AKAP19: variants seen among roughly 807,000 people sequenced by gnomAD.
AKAP19 encodes the protein small A-kinase anchoring protein.
chr2:190,136,729 T>C, the AKAP19 span, among the ~76,000 whole-genome samples: 1 of 83,246 alleles, frequency 1.2e-5, no homozygotes, highest in South Asian at 3.0e-4. Context: ...CACATTTAAC[T>C]GTGAGAAATA....
At chr2:190,140,703 T>C in the AKAP19 span, among the ~76,000 whole-genome samples, 135 of 152,266 alleles carry the variant, frequency 8.9e-4, no homozygotes, top group African/African-American at 3.1e-3. Flanking sequence ...CTCCTAGGCC[T>C]CCAGGCCTGT....
the AKAP19 span, among the ~76,000 whole-genome samples, chr2:190,180,308 C>G: frequency 6.6e-6 from 1 of 152,192 alleles, no homozygotes; most frequent in Non-Finnish European, 1.5e-5. This position sits in a 1 kb window ranked among gnomAD's most constrained non-coding sequence, Gnocchi z 6.8. Context: ...TGCGGGGCCC[C>G]CTGCAGGCGG....
the AKAP19 span, among the ~76,000 whole-genome samples, chr2:189,898,879 G>A: frequency 6.6e-6 from 1 of 152,106 alleles, no homozygotes; most frequent in African/African-American, 2.4e-5. Context: ...TCACTCTCTT[G>A]TGTTCCTTGT....
chr2:190,164,417 G>A, the AKAP19 span, among the ~76,000 whole-genome samples: 1 of 152,150 alleles, frequency 6.6e-6, no homozygotes, highest in Non-Finnish European at 1.5e-5. Flanking sequence ...TGTGGTCCCA[G>A]CTACTGGGGC....
chr2:189,962,044 A>T, the AKAP19 span, among the ~76,000 whole-genome samples: 1 of 152,250 alleles, frequency 6.6e-6, no homozygotes, highest in African/African-American at 2.4e-5. Flanking sequence ...AAACTGTGAA[A>T]ACCATATTAA....
At chr2:190,143,394 C>A in the AKAP19 span, among the ~76,000 whole-genome samples, 1 of 152,048 alleles carries the variant, frequency 6.6e-6, no homozygotes, top group African/African-American at 2.4e-5. Flanking sequence ...CCTTCAAGCT[C>A]CTAGTCATCC....
At chr2:189,898,808 G>A in the AKAP19 span, among the ~76,000 whole-genome samples, 1 of 152,058 alleles carries the variant, frequency 6.6e-6, no homozygotes, top group African/African-American at 2.4e-5. Context: ...GTACTACCCA[G>A]GTCTTGTCTA....
the AKAP19 span, among the ~76,000 whole-genome samples, chr2:190,198,744 C>G: frequency 6.6e-6 from 1 of 151,222 alleles, no homozygotes; most frequent in Non-Finnish European, 1.5e-5. Context: ...TAATCTCATT[C>G]ATAGAGATTA....
the AKAP19 span, among the ~76,000 whole-genome samples, chr2:189,947,164 C>T: frequency 4.0e-4 from 61 of 152,316 alleles, no homozygotes; most frequent in African/African-American, 1.1e-3. Flanking sequence ...GCAAATTTAA[C>T]AGTGCACTAT....
At chr2:189,931,550 G>A in the AKAP19 span, among the ~76,000 whole-genome samples, 1 of 152,090 alleles carries the variant, frequency 6.6e-6, no homozygotes, top group Admixed American at 6.5e-5. Flanking sequence ...TTTGTGTGTG[G>A]TGACAGGGTC....
chr2:189,904,297 G>A, the AKAP19 span, among the ~76,000 whole-genome samples: 1 of 151,956 alleles, frequency 6.6e-6, no homozygotes, highest in African/African-American at 2.4e-5. Flanking sequence ...CTGTTTTGCA[G>A]ATGAAACACA....
the AKAP19 span, among the ~76,000 whole-genome samples, chr2:190,187,204 T>A: frequency 0.13 from 19,932 of 152,134 alleles, 2,106 homozygotes; most frequent in African/African-American, 0.29. Flanking sequence ...CATGGTTTTT[T>A]TATATATTTA....
the AKAP19 span, chr2:190,060,077 T>A: frequency 6.2e-7 from 1 of 1,612,432 alleles, no homozygotes; most frequent in Non-Finnish European, 8.5e-7. Context: ...CATCTTCTCC[T>A]GGTCCTGGGA....
the AKAP19 span, among the ~76,000 whole-genome samples, chr2:189,927,152 C>G: frequency 1.3e-5 from 2 of 152,068 alleles, no homozygotes; most frequent in African/African-American, 4.8e-5. Flanking sequence ...CCTCAGCCTC[C>G]CAAAGTACTG....
the AKAP19 span, among the ~76,000 whole-genome samples, chr2:190,025,042 A>G: frequency 3.3e-5 from 5 of 152,192 alleles, no homozygotes; most frequent in South Asian, 1.0e-3. Context: ...TTGTTTTTAG[A>G]CACCTCTTTG....
chr2:190,146,446 G>A, the AKAP19 span, among the ~76,000 whole-genome samples: 5 of 152,144 alleles, frequency 3.3e-5, no homozygotes, highest in Admixed American at 6.5e-5. Context: ...ATTGTGAATT[G>A]TGCCGCTATA....
At chr2:189,913,927 G>C in the AKAP19 span, among the ~76,000 whole-genome samples, 17 of 152,022 alleles carry the variant, frequency 1.1e-4, no homozygotes, top group Non-Finnish European at 2.5e-4. Context: ...AAGCCCTTTA[G>C]GTTATTGGTA....
chr2:190,029,766 AG>A, the AKAP19 span, among the ~76,000 whole-genome samples: 4 of 152,166 alleles, frequency 2.6e-5, no homozygotes. Flanking sequence ...CAGCTGCTTA[AG>A]TTTGCTGGCC....
the AKAP19 span, among the ~76,000 whole-genome samples, chr2:189,889,925 T>C: frequency 6.6e-6 from 1 of 152,220 alleles, no homozygotes; most frequent in Non-Finnish European, 1.5e-5. Flanking sequence ...TCTATCTCCT[T>C]CAGTTCTGCT....
Sources: gnomAD v4.1 joint callset for allele counts (sites outside exome capture counted in the v4.1 genomes callset) on GRCh38, gnomAD v4.1.1 for gene constraint, Gnocchi (gnomAD v3.1) non-coding constraint, MANE v1.5 for transcripts, NCBI Gene and HGNC (gene_info 2026-07-23, HGNC 2026-07-21) for gene names.